NAALADL2: variants seen among roughly 807,000 people sequenced by gnomAD.
The protein encoded by NAALADL2 is inactive N-acetylated-alpha-linked acidic dipeptidase-like protein 2.
A neutral mutation model predicts 87.2 loss-of-function variants in NAALADL2; 76 were observed. The observed-to-expected ratio is 0.87, with a 90% CI of 0.72 to 1.05. The LOEUF is 1.05. NAALADL2 is among the 50% of genes least tolerant of loss of function. NAALADL2 has a pLI of 0.00. For synonymous variants in NAALADL2, 354 were observed against 331.0 expected, an observed-to-expected ratio of 1.07 and a Z score of -0.75; for missense variants, 1,089 against 945.8, an observed-to-expected ratio of 1.15 and a Z score of -1.99.
In NAALADL2 at chr3:175,573,898, T is replaced by G. The variant is rs139053004; in HGVS notation, c.1654-2143T>G. Among the ~76,000 whole-genome samples the G allele has an allele frequency of 1.4e-3, 212 of 146,302 alleles. No individual in the cohort carries two copies. In the South Asian group the frequency reaches 0.016, roughly 11 times the overall value. ...ATGGTAAAAACATTCTTTTTCTATT[T>G]CCAAAGTGGTTAATCAGCCAAAATA... is the stretch of plus-strand genomic sequence containing the variant. On this transcript the variant is annotated intron_variant, in intron 9 of 13. Coordinates refer to ENST00000454872, the MANE Select transcript of NAALADL2 (RefSeq NM_207015.3).
chr3:175,656,023 C>G (rs1488525146), intron 11 of NAALADL2, among the ~76,000 whole-genome samples: 1 of 152,216 alleles, frequency 6.6e-6, no homozygotes, highest in African/African-American at 2.4e-5. Flanking sequence ...ACAGAGTTTT[C>G]AAGTGGCTTA....
intron 1 of NAALADL2, among the ~76,000 whole-genome samples, chr3:174,953,112 T>C (rs866357114): frequency 6.6e-6 from 1 of 151,876 alleles, no homozygotes; most frequent in East Asian, 1.9e-4. Flanking sequence ...GAAGAAGAAA[T>C]TGAGACACAG....
At chr3:174,583,456 A>G (rs1716379838) in intron 2 of NAALADL2, among the ~76,000 whole-genome samples, 1 of 152,206 alleles carries the variant, frequency 6.6e-6, no homozygotes, top group Non-Finnish European at 1.5e-5. Flanking sequence ...TATTTATTAC[A>G]CATACAGTGA....
chr3:174,480,957 G>C (rs1323809545), intron 1 of NAALADL2, among the ~76,000 whole-genome samples: 1 of 152,074 alleles, frequency 6.6e-6, no homozygotes. Flanking sequence ...AGATAGGAGA[G>C]TCAATATTGA....
intron 2 of NAALADL2, among the ~76,000 whole-genome samples, chr3:174,583,977 T>C (rs1367614204): frequency 6.6e-6 from 1 of 152,204 alleles, no homozygotes. Context: ...AACTCAGTTA[T>C]TCTGTCACAC....
chr3:174,556,712 A>G (rs1712873747), intron 2 of NAALADL2, among the ~76,000 whole-genome samples: 1 of 152,154 alleles, frequency 6.6e-6, no homozygotes, highest in Admixed American at 6.6e-5. Context: ...AAAGAGTCAG[A>G]CATTGGATAA....
In NAALADL2 at chr3:174,477,981, G is replaced by C. The variant is rs115858184; in HGVS notation, c.-184+36949G>C. Among the ~76,000 whole-genome samples the C allele has an allele frequency of 7.5e-3, 1,142 of 152,262 alleles. 6 individuals carry two copies. The highest frequency in any genetic ancestry group is 0.012 in the Non-Finnish European group (807 of 68,010). Reference sequence around the variant, plus strand: ...GTCATTGGTTGTATCCATGAAGGAAGAGTATAATAGGGAATTGAGTGGCAC... The same window carrying C: ...GTCATTGGTTGTATCCATGAAGGAACAGTATAATAGGGAATTGAGTGGCAC... On this transcript the variant is annotated intron_variant, in intron 1 of 3. Transcript: ENST00000434257.
intron 9 of NAALADL2, among the ~76,000 whole-genome samples, chr3:175,534,652 G>T: frequency 6.9e-6 from 1 of 144,048 alleles, no homozygotes; most frequent in African/African-American, 2.7e-5. Context: ...TATATTGTCA[G>T]CTTTTTTTTT....
At chr3:175,115,043 G>T (rs1724866021) in intron 2 of NAALADL2, 1 of 151,540 alleles carries the variant, frequency 6.6e-6, no homozygotes, top group Non-Finnish European at 1.5e-5. Flanking sequence ...GTTTTTAAAT[G>T]AACGATAAAG....
intron 4 of NAALADL2, among the ~76,000 whole-genome samples, chr3:175,306,083 A>G (rs544924553): frequency 1.3e-5 from 2 of 152,122 alleles, no homozygotes; most frequent in Non-Finnish European, 2.9e-5. Flanking sequence ...AAAAATGTAT[A>G]TGTTTTATTT....
intron 2 of NAALADL2, among the ~76,000 whole-genome samples, chr3:174,674,711 A>C (rs1033654975): frequency 1.3e-5 from 2 of 151,858 alleles, no homozygotes. Flanking sequence ...ATTTTTTTAC[A>C]CTATCATTTT....
chr3:174,673,994 A>G (rs988254416), intron 2 of NAALADL2, among the ~76,000 whole-genome samples: 1 of 152,042 alleles, frequency 6.6e-6, no homozygotes, highest in Non-Finnish European at 1.5e-5. Flanking sequence ...TGCTATAAAT[A>G]TATTAATTTG....
chr3:175,365,727 C>A (rs1215554909), intron 5 of NAALADL2, among the ~76,000 whole-genome samples: 1 of 146,798 alleles, frequency 6.8e-6, no homozygotes. Context: ...TACATAGGAT[C>A]CAAGACATGC....
intron 10 of NAALADL2, among the ~76,000 whole-genome samples, chr3:175,579,010 G>A (rs771520119): frequency 4.6e-5 from 7 of 152,170 alleles, no homozygotes; most frequent in African/African-American, 9.7e-5. Flanking sequence ...TGTGGCCCCT[G>A]TAGGGACTGA....
chr3:174,548,922 C>T (rs1168033226), intron 1 of NAALADL2, among the ~76,000 whole-genome samples: 2 of 152,178 alleles, frequency 1.3e-5, no homozygotes, highest in African/African-American at 4.8e-5. Context: ...TCACTGCAGC[C>T]CCAATCTCTC....
intron 2 of NAALADL2, among the ~76,000 whole-genome samples, chr3:175,168,409 A>G (rs1404686218): frequency 6.6e-6 from 1 of 151,862 alleles, no homozygotes; most frequent in Non-Finnish European, 1.5e-5. Flanking sequence ...CTGGCATGTT[A>G]GCATGAGAAA....
chr3:174,752,128 C>G (rs1231681563), intron 3 of NAALADL2, among the ~76,000 whole-genome samples: 1 of 152,010 alleles, frequency 6.6e-6, no homozygotes, highest in Admixed American at 6.6e-5. Flanking sequence ...TAGGCGCCCG[C>G]CACCATGCCC....
intron 1 of NAALADL2, among the ~76,000 whole-genome samples, chr3:174,872,508 T>C (rs1228564486): frequency 6.6e-6 from 1 of 152,210 alleles, no homozygotes; most frequent in Non-Finnish European, 1.5e-5. Context: ...TTCACTGAAG[T>C]AGATTCATAT....
chr3:175,726,302 GGCATGGGAATAGAAAGTAA>G, intron 11 of NAALADL2, among the ~76,000 whole-genome samples: 1 of 150,898 alleles, frequency 6.6e-6, no homozygotes, highest in South Asian at 2.1e-4. Context: ...ACTTTTCTGT[GGCATGGGAATAGAAAGTAA>G]GCATTTTATT....
Sources: allele counts gnomAD v4.1 joint callset (sites outside exome capture counted in the v4.1 genomes callset), GRCh38; gene constraint gnomAD v4.1.1; transcripts MANE v1.5; gene names NCBI Gene and HGNC (gene_info 2026-07-23, HGNC 2026-07-21).